Variants in TG observed in about 807,000 individuals in gnomAD.
TG encodes the protein thyroglobulin.
Under a neutral mutation model 324.7 loss-of-function variants are expected in TG, and 270 were observed. That is an observed-to-expected ratio of 0.83 (90% CI 0.75 to 0.92). The LOEUF is 0.92. Among genes scored for constraint, TG ranks in the 40% least tolerant of loss-of-function variants. The pLI, the probability that TG is intolerant of heterozygous loss-of-function variation, is 0.00. For synonymous variants in TG, 1,401 were observed against 1,327.0 expected, an observed-to-expected ratio of 1.06 and a Z score of -1.21; for missense variants, 3,591 against 3,456.4, an observed-to-expected ratio of 1.04 and a Z score of -0.98.
At chr8:132,878,219 G>A (rs772412444) in intron 5 of TG, among the ~76,000 whole-genome samples, 5 of 152,200 alleles carry the variant, frequency 3.3e-5, no homozygotes, top group Admixed American at 6.5e-5. Context: ...TTGGTTCCTC[G>A]GGTCCTCATG....
rs372517082 is a variant in TG at position 132,893,935 on chromosome 8, T to G, written c.3001+6T>G. On this transcript the variant is annotated splice_donor_region_variant and intron_variant, in intron 11 of 47. Coordinates refer to ENST00000220616, the MANE Select transcript of TG (RefSeq NM_003235.5). Reference sequence around the variant, plus strand: ...TCGCCTGGCGGCTCAGTCTAGTGAGTGTGGTGCCCTTCAGCTTTCTTACTG... The same window carrying G: ...TCGCCTGGCGGCTCAGTCTAGTGAGGGTGGTGCCCTTCAGCTTTCTTACTG... 3.8e-4 allele frequency: 606 copies of G among 1,613,858 alleles called. No individual in the cohort carries two copies. Among genetic ancestry groups the G allele is most frequent in the Middle Eastern group, 6.6e-4 (4 of 6,084 alleles).
intron 25 of TG, among the ~76,000 whole-genome samples, chr8:132,939,258 A>G (rs939679038): frequency 2.6e-5 from 4 of 152,164 alleles, no homozygotes; most frequent in African/African-American, 9.7e-5. Flanking sequence ...TTGCTATTGC[A>G]ATATTAACTT....
chr8:133,000,170 G>A (rs1376042245), intron 35 of TG, among the ~76,000 whole-genome samples: 1 of 152,182 alleles, frequency 6.6e-6, no homozygotes, highest in East Asian at 1.9e-4. Flanking sequence ...GAGTATGGCT[G>A]TGCCAAGCAG....
At chr8:133,057,530 C>T (rs944764069) in intron 41 of TG, among the ~76,000 whole-genome samples, 1 of 152,142 alleles carries the variant, frequency 6.6e-6, no homozygotes, top group African/African-American at 2.4e-5. Context: ...CTGGTGCCTG[C>T]CCTGCATCAT....
At chr8:132,983,460 C>A in intron 35 of TG, 48 bp downstream of exon 35, 1 of 1,550,504 alleles carries the variant, frequency 6.4e-7, no homozygotes, top group Non-Finnish European at 8.9e-7. Flanking sequence ...CCCCCTCATT[C>A]ATCTTCTTTC....
At chr8:133,083,819 TG>T (rs1680251758) in intron 41 of TG, among the ~76,000 whole-genome samples, 1 of 152,158 alleles carries the variant, frequency 6.6e-6, no homozygotes, top group Admixed American at 6.6e-5. Context: ...TCTCATCCAG[TG>T]CCCTGCTGCC....
chr8:133,075,204 G>A, intron 41 of TG: 1 of 840,356 alleles, frequency 1.2e-6, no homozygotes, highest in Non-Finnish European at 1.4e-6. Context: ...CTGGATTCTG[G>A]AATTTCAGAA....
rs542956309 is a variant in TG at position 132,893,180 on chromosome 8, G to T, written c.2762-510G>T. ...GTGTGGTGAGTGTGGTGTGTGTGTG[G>T]TGTGTATGTGAGTGTGTGTGGTGTG... On this transcript the variant is annotated intron_variant, in intron 10 of 47. Coordinates refer to ENST00000220616, the MANE Select transcript of TG (RefSeq NM_003235.5). Among the ~76,000 whole-genome samples, 60 of 137,746 alleles carry T rather than the reference G, an allele frequency of 4.4e-4. No homozygotes were observed. In the South Asian group the frequency reaches 0.015, roughly 34 times the overall value. 90.4% of individuals were successfully genotyped at this position (137,746 alleles called of 152,430 possible).
rs1240639021 is a variant in TG at position 132,994,758 on chromosome 8, T to G, written c.6262+11346T>G. ...GTGAGAGGGACCCAGCTGAAGAGGA[T>G]GGAGTGAGGGCTTCCGTATAACTGG... On this transcript the variant is annotated intron_variant, in intron 35 of 47. Transcript: ENST00000220616. 7.0e-6 allele frequency: 9 copies of G among 1,288,204 alleles called. No homozygotes were observed. In the South Asian group the frequency reaches 9.9e-5, roughly 14 times the overall value. The allele number at this position is 1,288,204 out of a possible 1,614,324, so 79.8% of individuals were successfully genotyped here. A position where few individuals can be genotyped will look rare whatever the true frequency, so the allele number is the denominator to read the frequency against.
intron 40 of TG, among the ~76,000 whole-genome samples, chr8:133,027,259 A>G (rs1836181903): frequency 6.6e-6 from 1 of 152,216 alleles, no homozygotes; most frequent in Non-Finnish European, 1.5e-5. Flanking sequence ...TGCTCTGAGC[A>G]GAGGAGTAGG....
chr8:133,080,274 C>T (rs1845548867), intron 41 of TG, among the ~76,000 whole-genome samples: 1 of 152,158 alleles, frequency 6.6e-6, no homozygotes, highest in African/African-American at 2.4e-5. Flanking sequence ...GCAACTTGGC[C>T]TTTGCGTATG....
intron 16 of TG, among the ~76,000 whole-genome samples, chr8:132,903,045 C>T (rs1818149511): frequency 6.6e-6 from 1 of 152,158 alleles, no homozygotes; most frequent in Non-Finnish European, 1.5e-5. Flanking sequence ...GGTGGAGCAG[C>T]CAGGATTTAA....
At chr8:133,103,874 C>T (rs75843005) in intron 43 of TG, among the ~76,000 whole-genome samples, 10 of 152,164 alleles carry the variant, frequency 6.6e-5, no homozygotes, top group Non-Finnish European at 1.3e-4. Flanking sequence ...GCTTCTGACT[C>T]GGAGAGTTCA....
chr8:132,944,422 C>T (rs1824926516), intron 26 of TG, among the ~76,000 whole-genome samples: 1 of 152,148 alleles, frequency 6.6e-6, no homozygotes, highest in South Asian at 2.1e-4. Context: ...TATTTTGTCC[C>T]TTCTTTTTGT....
Position 132,886,500 on chromosome 8 carries a change from C to T in TG, c.1128C>T (p.Tyr376=). The change falls in exon 9 of 48, where the codon TAC becomes TAT. Residue 376 remains tyrosine, a synonymous_variant. Coordinates refer to ENST00000220616, the MANE Select transcript of TG (RefSeq NM_003235.5). ...GGCAGCAGGCCTTGTCCAGACTCTA[C>T]TTTGGGACCTCAGGCTACTTCAGCC... The part of the protein sequence containing the change: ...SERQQALSRL[Y]FGTSGYFSQH... The T allele has an allele frequency of 6.2e-7, 1 of 1,614,214 alleles. No individual in the cohort carries two copies. Among genetic ancestry groups the T allele is most frequent in the Admixed American group, 1.7e-5 (1 of 60,022 alleles).
At chr8:133,121,962 TTC>T (rs145004035) in intron 45 of TG, among the ~76,000 whole-genome samples, 167 of 148,724 alleles carry the variant, frequency 1.1e-3, no homozygotes, top group Admixed American at 1.2e-3. Context: ...ACATCTCTCT[TTC>T]TCTCTCTCTC....
In TG at chr8:132,969,472, A is replaced by G; in HGVS notation, c.5878A>G (p.Lys1960Glu). 1 of 1,612,574 alleles carries G rather than the reference A, an allele frequency of 6.2e-7. No individual in the cohort carries two copies. Among genetic ancestry groups the G allele is most frequent in the South Asian group, 1.1e-5 (1 of 91,042 alleles). Residue 1960 changes from lysine to glutamate, a missense_variant, in exon 32 of 48, where the codon AAA becomes GAA. By Grantham distance (56) the Lys-to-Glu change is moderately conservative (BLOSUM62 1). Coordinates refer to ENST00000220616, the MANE Select transcript of TG (RefSeq NM_003235.5). The part of the protein sequence containing the change: ...LFRKKVILED[K>E]VKNFYTRLPF... ...CCTCTATGAAGTTATACTGGAAGAT[A>G]AAGTGAAGAACTTTTACACTCGCCT... is the stretch of plus-strand genomic sequence containing the variant.
At chr8:132,950,168 T>C (rs920693547) in intron 27 of TG, among the ~76,000 whole-genome samples, 1 of 152,246 alleles carries the variant, frequency 6.6e-6, no homozygotes, top group African/African-American at 2.4e-5. Context: ...GCTGTTCCTT[T>C]TGTTCTTCCA....
chr8:133,043,950 A>T (rs1432243209), intron 41 of TG, among the ~76,000 whole-genome samples: 5 of 152,286 alleles, frequency 3.3e-5, no homozygotes, highest in African/African-American at 1.2e-4. Context: ...GCTGGGTAAA[A>T]GTGGCTGGCA....
Sources: gnomAD v4.1 joint callset for allele counts (sites outside exome capture counted in the v4.1 genomes callset) on GRCh38, gnomAD v4.1.1 for gene constraint, MANE v1.5 for transcripts, NCBI Gene and HGNC (gene_info 2026-07-23, HGNC 2026-07-21) for gene names.